The following SAMD12 variants were observed in gnomAD, a reference collection of about 807,000 sequenced individuals.
SAMD12 encodes the protein sterile alpha motif domain containing 12.
Under a neutral mutation model 15.0 loss-of-function variants are expected in SAMD12, and 9 were observed. The ratio of observed to expected loss-of-function variants is 0.60; its 90% CI spans 0.36 to 1.05. The LOEUF is 1.05. SAMD12 is among the 50% of genes least tolerant of loss of function. The pLI is 0.01. For synonymous variants in SAMD12, 86 were observed against 90.1 expected (o/e 0.96, Z 0.25); for missense variants, 230 against 234.2 (o/e 0.98, Z 0.12).
the SAMD12 span, among the ~76,000 whole-genome samples, chr8:118,168,279 G>C: frequency 6.6e-6 from 1 of 152,120 alleles, no homozygotes; most frequent in East Asian, 1.9e-4. Flanking sequence ...GACCATTGGA[G>C]TGTAAGAGGA....
intron 2 of SAMD12, among the ~76,000 whole-genome samples, chr8:118,511,417 A>G (rs1232972248): frequency 6.6e-6 from 1 of 151,972 alleles, no homozygotes; most frequent in African/African-American, 2.4e-5. Context: ...TAGCAGGTCA[A>G]TTGACAAATT....
At position 118,492,122 on chromosome 8, in the gene SAMD12, CT is replaced by C. The variant is rs543720456; in HGVS notation, c.193-52162del. Among the ~76,000 whole-genome samples, 726 of 132,100 alleles carry C rather than the reference CT, an allele frequency of 5.5e-3. 6 individuals are homozygous for C. Among genetic ancestry groups the C allele is most frequent in the African/African-American group, 0.016 (561 of 35,570 alleles). 86.7% of individuals were successfully genotyped at this position (132,100 alleles called of 152,430 possible). Reference sequence around the variant, plus strand: ...TCCACATCACTGATACTGGTGTTGCCTTTTTTTTTTTTTTTTTAAGTTTTAA... The same window carrying C: ...TCCACATCACTGATACTGGTGTTGCCTTTTTTTTTTTTTTTTAAGTTTTAA... On this transcript the variant is annotated intron_variant, in intron 2 of 3. Transcript: ENST00000314727.
At chr8:118,151,361 T>C in the SAMD12 span, among the ~76,000 whole-genome samples, 7 of 152,222 alleles carry the variant, frequency 4.6e-5, no homozygotes, top group African/African-American at 1.7e-4. Flanking sequence ...CCTTTTCAAA[T>C]GTTTTTCAGC....
At chr8:118,216,521 T>C (rs1184099936) in intron 4 of SAMD12, among the ~76,000 whole-genome samples, 1 of 152,188 alleles carries the variant, frequency 6.6e-6, no homozygotes, top group African/African-American at 2.4e-5. Context: ...GTGCAGTCAT[T>C]GAGTGCTTTC....
chr8:118,241,553 A>G (rs886666948), intron 4 of SAMD12, among the ~76,000 whole-genome samples: 20 of 152,120 alleles, frequency 1.3e-4, no homozygotes, highest in African/African-American at 4.3e-4. Flanking sequence ...AGATGATTAT[A>G]CCTTTTTGGA....
At chr8:118,195,447 G>C (rs1819532356) in exon 5 of SAMD12, 1 of 152,262 alleles carries the variant, frequency 6.6e-6, no homozygotes, top group African/African-American at 2.4e-5. Flanking sequence ...TAGCCAGGGT[G>C]GATATCAAGG....
At chr8:118,500,484 G>A (rs1824753447) in intron 2 of SAMD12, among the ~76,000 whole-genome samples, 1 of 150,644 alleles carries the variant, frequency 6.6e-6, no homozygotes, top group Non-Finnish European at 1.5e-5. Context: ...TCCTTTCTGT[G>A]AAGCCATTCT....
intron 3 of SAMD12, among the ~76,000 whole-genome samples, chr8:118,422,610 C>T (rs77381051): frequency 0.011 from 1,749 of 152,170 alleles, 36 homozygotes; most frequent in African/African-American, 0.039. Flanking sequence ...GGAATTGTGA[C>T]GTTATTCAGT....
At chr8:118,476,392 G>C (rs1486959851) in intron 2 of SAMD12, among the ~76,000 whole-genome samples, 1 of 152,138 alleles carries the variant, frequency 6.6e-6, no homozygotes, top group African/African-American at 2.4e-5. Flanking sequence ...CATTTTTTCA[G>C]GGAAGGAAGG....
At chr8:118,307,509 G>T (rs1038526419) in intron 4 of SAMD12, among the ~76,000 whole-genome samples, 4 of 152,172 alleles carry the variant, frequency 2.6e-5, no homozygotes, top group Admixed American at 2.6e-4. Flanking sequence ...TCATCAGCTG[G>T]GGGTGGGATT....
chr8:118,296,046 T>C (rs1206837828), intron 4 of SAMD12, among the ~76,000 whole-genome samples: 3 of 152,056 alleles, frequency 2.0e-5, no homozygotes, highest in Non-Finnish European at 4.4e-5. Context: ...ATATAGGTAA[T>C]AGAAAAAACA....
At chr8:118,372,669 C>T (rs899369938) in intron 4 of SAMD12, among the ~76,000 whole-genome samples, 4 of 152,058 alleles carry the variant, frequency 2.6e-5, no homozygotes, top group Non-Finnish European at 4.4e-5. Context: ...TTCTTTGTGT[C>T]AAACAAACCT....
intron 2 of SAMD12, among the ~76,000 whole-genome samples, chr8:118,458,589 C>G (rs898980243): frequency 6.6e-6 from 1 of 152,138 alleles, no homozygotes; most frequent in Non-Finnish European, 1.5e-5. Context: ...AACTCATTTT[C>G]CACTGATTCT....
intron 2 of SAMD12, among the ~76,000 whole-genome samples, chr8:118,442,224 T>C (rs1429097677): frequency 6.6e-6 from 1 of 152,234 alleles, no homozygotes; most frequent in East Asian, 1.9e-4. Flanking sequence ...AATTTTGTGT[T>C]CCCCAGAGTG....
At chr8:118,329,173 G>A (rs11784493) in intron 4 of SAMD12, among the ~76,000 whole-genome samples, 36,141 of 151,984 alleles carry the variant, frequency 0.24, 5,466 homozygotes, top group African/African-American at 0.43. Flanking sequence ...ATGAGTGGAA[G>A]GAACATGGTA....
chr8:118,467,088 G>A (rs994687928), intron 2 of SAMD12, among the ~76,000 whole-genome samples: 2 of 152,172 alleles, frequency 1.3e-5, no homozygotes, highest in Non-Finnish European at 2.9e-5. Context: ...GAAAATGACA[G>A]GACTGCATTT....
At chr8:118,601,098 G>A (rs1223211402) in intron 1 of SAMD12, among the ~76,000 whole-genome samples, 1 of 152,058 alleles carries the variant, frequency 6.6e-6, no homozygotes, top group Non-Finnish European at 1.5e-5. Context: ...AAAAAGGCTA[G>A]AAGAAAATAT....
chr8:118,478,612 C>G (rs540467129), intron 2 of SAMD12, among the ~76,000 whole-genome samples: 17 of 152,192 alleles, frequency 1.1e-4, no homozygotes, highest in African/African-American at 4.1e-4. Context: ...GTTAACTTAG[C>G]AAACATCATA....
chr8:118,594,854 G>A lies in SAMD12; in HGVS notation c.14-13961C>T, dbSNP rs117542672. Among the ~76,000 whole-genome samples, 283 of 152,260 alleles carry A rather than the reference G, an allele frequency of 1.9e-3. 1 individual carries two copies. The highest frequency in any genetic ancestry group is 3.3e-3 in the Non-Finnish European group (227 of 68,028). ...TTGATATACAAGCATCCTTCGTGAT[G>A]CAATTTGTCTCATTAAAACCTTCTC... On this transcript the variant is annotated intron_variant, in intron 1 of 3. Coordinates refer to ENST00000314727, the MANE Select transcript of SAMD12 (RefSeq NM_207506.3).
Sources: gnomAD v4.1 joint callset for allele counts (sites outside exome capture counted in the v4.1 genomes callset) on GRCh38, gnomAD v4.1.1 for gene constraint, MANE v1.5 for transcripts, NCBI Gene and HGNC (gene_info 2026-07-23, HGNC 2026-07-21) for gene names.